Variants in PFKFB4 observed in about 807,000 individuals in gnomAD.
PFKFB4 encodes the protein 6-phosphofructo-2-kinase/fructose-2,6-bisphosphatase 4.
In PFKFB4, 42 loss-of-function variants were observed where a neutral mutation model predicts 62.8. The observed-to-expected ratio is 0.67, with a 90% CI of 0.52 to 0.86. PFKFB4 has a LOEUF of 0.86. Among genes scored for constraint, PFKFB4 ranks in the 40% least tolerant of loss-of-function variants. PFKFB4 has a pLI of 0.00. For missense variants in PFKFB4, 475 were observed against 627.2 expected (o/e 0.76, Z 2.59); for synonymous variants, 204 against 240.7 (o/e 0.85, Z 1.41).
upstream of PFKFB4, chr3:48,562,847 C>T (rs762392342): frequency 7.6e-6 from 12 of 1,585,914 alleles, no homozygotes; most frequent in Non-Finnish European, 1.0e-5. The surrounding 1 kb of genome is among the most constrained non-coding windows in gnomAD (Gnocchi z 4.3). Flanking sequence ...CCTGGCAGCC[C>T]TGGCCCGGGC....
At chr3:48,543,452 G>C (rs1029530743) in intron 4 of PFKFB4, 128 bp downstream of exon 4, 1 of 818,172 alleles carries the variant, frequency 1.2e-6, no homozygotes, top group Non-Finnish European at 2.1e-6. Flanking sequence ...TCCTCCCAAG[G>C]GCTGGCACCC....
At chr3:48,544,077 C>T (rs1351754874) in intron 3 of PFKFB4, among the ~76,000 whole-genome samples, 2 of 145,028 alleles carry the variant, frequency 1.4e-5, no homozygotes, top group Admixed American at 7.2e-5. Flanking sequence ...TGCAGTGGTG[C>T]GATCTCGGCT....
upstream of PFKFB4, chr3:48,562,891 G>A (rs144853688): frequency 3.1e-6 from 5 of 1,603,790 alleles, no homozygotes; most frequent in Non-Finnish European, 4.3e-6. This position sits in a 1 kb window ranked among gnomAD's most constrained non-coding sequence, Gnocchi z 4.3. Flanking sequence ...GGCCGATGGG[G>A]ACATCCAGCG....
rs776219117 is a variant in PFKFB4 at position 48,536,240 on chromosome 3, G to A, written c.840+16C>T. On this transcript the variant is annotated intron_variant, in intron 8 of 13. Coordinates refer to ENST00000232375, the MANE Select transcript of PFKFB4 (RefSeq NM_004567.4). ...AATGCAGGCCCGTGTGCGCACGCAGGGACACATGCACTGACCTCCCTGCCC... is the reference window on the plus strand; with the variant it reads ...AATGCAGGCCCGTGTGCGCACGCAGAGACACATGCACTGACCTCCCTGCCC... 6 of 1,607,506 alleles carry A rather than the reference G, an allele frequency of 3.7e-6. No homozygotes were observed. The African/African-American group carries it at 5.3e-5, about 14-fold the overall frequency.
chr3:48,539,399 T>C, intron 5 of PFKFB4, 89 bp from the exon 6 acceptor site: 1 of 1,124,690 alleles, frequency 8.9e-7, no homozygotes, highest in Non-Finnish European at 1.3e-6. Flanking sequence ...GAGCTCTCCA[T>C]CCCCTGAGGC....
intron 1 of PFKFB4, among the ~76,000 whole-genome samples, chr3:48,554,682 T>A (rs1263929325): frequency 6.6e-6 from 1 of 152,032 alleles, no homozygotes; most frequent in Non-Finnish European, 1.5e-5. Flanking sequence ...GACTCAGACG[T>A]AGTGAGAAGC....
chr3:48,538,234 A>G (rs2042686155), intron 7 of PFKFB4, among the ~76,000 whole-genome samples: 1 of 152,210 alleles, frequency 6.6e-6, no homozygotes, highest in South Asian at 2.1e-4. Context: ...CCCCTGCTTT[A>G]AGACCCCTTG....
At chr3:48,559,364 G>A (rs868557537), upstream of PFKFB4, 3 of 378,030 alleles carry the variant, frequency 7.9e-6, no homozygotes, top group Middle Eastern at 1.6e-3. Context: ...CTGTTTGTCA[G>A]GTGGGAAACT....
chr3:48,521,993 C>G lies in PFKFB4; in HGVS notation c.1343G>C (p.Arg448Thr), dbSNP rs2042110242. Residue 448 changes from arginine (R) to threonine (T), a missense_variant, in exon 13 of 14, where the codon AGG becomes ACG. Coordinates refer to ENST00000232375, the MANE Select transcript of PFKFB4 (RefSeq NM_004567.4). The surrounding 1 kb of genome is among the most constrained non-coding windows in gnomAD (Gnocchi z 5.3). ...NVAAVNTHRD[R>T]PQNVDISRPP... ...CAGTGACCCCATTGCTACCTGAGGCCTGTCCCGGTGCGTGTTCACAGCAGC... is the reference window on the plus strand; with the variant it reads ...CAGTGACCCCATTGCTACCTGAGGCGTGTCCCGGTGCGTGTTCACAGCAGC... The G allele has an allele frequency of 6.2e-7, 1 of 1,613,906 alleles. No individual in the cohort carries two copies. The highest frequency in any genetic ancestry group is 8.5e-7 in the Non-Finnish European group (1 of 1,179,884).
chr3:48,543,795 T>C, intron 3 of PFKFB4, 149 bp from the exon 4 acceptor site: 1 of 683,124 alleles, frequency 1.5e-6, no homozygotes, highest in Non-Finnish European at 2.7e-6. Context: ...TCTCTTTCCT[T>C]AGGATAATGT....
intron 12 of PFKFB4, 121 bp from the exon 13 acceptor site, chr3:48,522,171 C>T: frequency 1.2e-6 from 1 of 868,890 alleles, no homozygotes; most frequent in South Asian, 1.4e-5. Context: ...CTCAGCCTCA[C>T]TCTAGTTCTT....
intron 13 of PFKFB4, among the ~76,000 whole-genome samples, chr3:48,520,440 T>G (rs1261621122): frequency 2.6e-5 from 4 of 152,126 alleles, no homozygotes; most frequent in African/African-American, 7.2e-5. Context: ...CTGTCTTATG[T>G]GCCCCAGAGC....
upstream of PFKFB4, among the ~76,000 whole-genome samples, chr3:48,559,307 C>T (rs1368621760): frequency 6.6e-6 from 1 of 152,248 alleles, no homozygotes; most frequent in African/African-American, 2.4e-5. Flanking sequence ...CCAAGGCCAC[C>T]GTCCACATCT....
Position 48,539,711 on chromosome 3 carries a change from G to C in PFKFB4, c.439C>G (p.Gln147Glu). The change falls in exon 5 of 14, where the codon CAG becomes GAG. Residue 147 changes from glutamine to glutamate, a missense_variant. Coordinates refer to ENST00000232375, the MANE Select transcript of PFKFB4 (RefSeq NM_004567.4). ...GGAGGCCTCACCTTGTAGCCATTCT[G>C]TTCTCCAAAATTAAAGATGGTCGCT... ...RRATIFNFGE[Q>E]NGYKTFFVES... 1 of 1,613,982 alleles carries C rather than the reference G, an allele frequency of 6.2e-7. No homozygotes were observed. Among genetic ancestry groups the C allele is most frequent in the Non-Finnish European group, 8.5e-7 (1 of 1,179,852 alleles).
At chr3:48,562,847 C>A, upstream of PFKFB4, 1 of 1,586,032 alleles carries the variant, frequency 6.3e-7, no homozygotes, top group Non-Finnish European at 8.6e-7. The surrounding 1 kb of genome is among the most constrained non-coding windows in gnomAD (Gnocchi z 4.3). Context: ...CCTGGCAGCC[C>A]TGGCCCGGGC....
chr3:48,529,069 G>A (rs1339663632), intron 9 of PFKFB4, among the ~76,000 whole-genome samples: 2 of 151,294 alleles, frequency 1.3e-5, no homozygotes, highest in East Asian at 1.9e-4. Flanking sequence ...ACTGAGTCTC[G>A]CCTTGTCTCC....
chr3:48,560,242 ACAGG>A (rs2043411464), upstream of PFKFB4, among the ~76,000 whole-genome samples: 1 of 152,196 alleles, frequency 6.6e-6, no homozygotes, highest in Non-Finnish European at 1.5e-5. Context: ...ATGTGCAGAG[ACAGG>A]CAGGCTGCAG....
upstream of PFKFB4, among the ~76,000 whole-genome samples, chr3:48,558,195 C>G (rs1030849094): frequency 6.6e-6 from 1 of 152,176 alleles, no homozygotes; most frequent in African/African-American, 2.4e-5. Flanking sequence ...AGTTCCTAAA[C>G]CCCTGGCTCA....
At chr3:48,554,342 G>A (rs1361166772) in intron 1 of PFKFB4, among the ~76,000 whole-genome samples, 3 of 152,172 alleles carry the variant, frequency 2.0e-5, no homozygotes, top group East Asian at 1.9e-4. Flanking sequence ...CTGCATGGGC[G>A]GGTTCCATGT....
Sources: gnomAD v4.1 joint callset for allele counts (sites outside exome capture counted in the v4.1 genomes callset) on GRCh38, gnomAD v4.1.1 for gene constraint, Gnocchi (gnomAD v3.1) non-coding constraint, MANE v1.5 for transcripts, NCBI Gene and HGNC (gene_info 2026-07-23, HGNC 2026-07-21) for gene names.